POLG: variants seen among roughly 807,000 people sequenced by gnomAD.
POLG encodes the protein DNA polymerase gamma, catalytic subunit, also known as DNA polymerase subunit gamma-1.
POLG carries 110 observed loss-of-function variants against 155.4 expected under a neutral mutation model. The observed-to-expected ratio is 0.71, with a 90% CI of 0.61 to 0.83. POLG has a LOEUF of 0.83. Ranked by LOEUF, POLG falls within the 40% of genes least tolerant of loss-of-function variation. The probability of loss-of-function intolerance (pLI) is 0.00; values close to 1 mark genes in which losing one functional copy is unlikely to be tolerated. For missense variants in POLG, 1,685 were observed against 1,627.5 expected, an observed-to-expected ratio of 1.04 and a Z score of -0.61; for synonymous variants, 701 against 631.5, an observed-to-expected ratio of 1.11 and a Z score of -1.65.
At chr15:89,329,210 G>C (rs2055563893) in intron 3 of POLG, 100 bp from the exon 4 acceptor site, 1 of 992,224 alleles carries the variant, frequency 1.0e-6, no homozygotes, top group Non-Finnish European at 1.5e-6. Context: ...CCCCACCTCA[G>C]CTCCTCAAAC....
At chr15:89,323,940 C>A in intron 11 of POLG, 39 bp from the exon 12 acceptor site, 2 of 1,557,772 alleles carry the variant, frequency 1.3e-6, no homozygotes, top group Non-Finnish European at 1.8e-6. Flanking sequence ...AAGCAGGGGA[C>A]TGGGTAGGCC....
At position 89,333,289 on chromosome 15, in the gene POLG, A is replaced by G; in HGVS notation, c.466T>C (p.Leu156=). 1 of 1,555,522 alleles carries G rather than the reference A, an allele frequency of 6.4e-7. No individual in the cohort carries two copies. Among genetic ancestry groups the G allele is most frequent in the Non-Finnish European group, 8.7e-7 (1 of 1,149,178 alleles). ...QSLPYLEAAN[L]LLQAQLPPKP... ...GGGGGCAGCTGGGCCTGCAACAGCA[A>G]GTTGGCCGCCTCCAGGTAGGGCAGG... is the stretch of plus-strand genomic sequence containing the variant. Residue 156 remains leucine (L), a synonymous_variant, in exon 2 of 23, where the codon TTG becomes CTG. Transcript: ENST00000268124.
Position 89,330,117 on chromosome 15 carries a change from A to G in POLG, c.819T>C (p.Phe273=). The change falls in exon 3 of 23, where the codon TTT becomes TTC. Residue 273 remains phenylalanine, a synonymous_variant. Transcript: ENST00000268124. ...ACTGCTCCCTGATATGAGCTCGGTC[A>G]AAGGAAACATTGTGCCCCACCACTA... ...EQLVVGHNVS[F]DRAHIREQYL... 6.2e-7 allele frequency: 1 copy of G among 1,614,158 alleles called. No individual in the cohort carries two copies. The highest frequency in any genetic ancestry group is 8.5e-7 in the Non-Finnish European group (1 of 1,180,042).
At chr15:89,319,434 C>G in intron 18 of POLG, 84 bp from the exon 19 acceptor site, 2 of 1,572,268 alleles carry the variant, frequency 1.3e-6, no homozygotes, top group Non-Finnish European at 8.7e-7. Context: ...TCACATATCA[C>G]TTCAACTTTT....
intron 12 of POLG, 69 bp downstream of exon 12, chr15:89,323,746 T>G: frequency 7.9e-7 from 1 of 1,269,738 alleles, no homozygotes; most frequent in Non-Finnish European, 1.2e-6. Context: ...TGGGAAGAAC[T>G]AGGTGGGCAA....
rs780379693 is a variant in POLG, at chr15:89,333,577, G to T, written c.178C>A (p.Gln60Lys). 7.5e-6 allele frequency: 12 copies of T among 1,609,966 alleles called. No individual in the cohort carries two copies. In the South Asian group the frequency reaches 1.3e-4, roughly 18 times the overall value. The change falls in exon 2 of 23, where the codon CAA becomes AAA. Residue 60 changes from glutamine to lysine, a missense_variant. This residue lies in a region of POLG where 1,210 missense variants were observed against 1,167.1 expected (regional missense o/e 1.04). Coordinates refer to ENST00000268124, the MANE Select transcript of POLG (RefSeq NM_002693.3). ...QQQQQQPQQP[Q>K]VLSSEGGQLR... is the part of the protein sequence containing the mutation. ...TGCCCGCCCTCCGAGGATAGCACTTGCGGCTGCTGAGGCTGCTGTTGCTGC... is the reference window on the plus strand; with the variant it reads ...TGCCCGCCCTCCGAGGATAGCACTTTCGGCTGCTGAGGCTGCTGTTGCTGC...
At chr15:89,317,733 T>C in intron 21 of POLG, 197 bp from the exon 22 acceptor site, 1 of 616,754 alleles carries the variant, frequency 1.6e-6, no homozygotes. Flanking sequence ...ACTGAGATAC[T>C]GAAATGCAAT....
At chr15:89,319,511 C>A in intron 18 of POLG, 161 bp from the exon 19 acceptor site, 2 of 954,658 alleles carry the variant, frequency 2.1e-6, no homozygotes, top group Non-Finnish European at 1.6e-6. Flanking sequence ...CTCAGAGAGG[C>A]TAAGTGCCTT....
chr15:89,317,567 A>T, intron 21 of POLG, 31 bp from the exon 22 acceptor site: 1 of 1,607,932 alleles, frequency 6.2e-7, no homozygotes, highest in Non-Finnish European at 8.5e-7. Context: ...TCTCACAGTC[A>T]TGCCCCTCCT....
In POLG at chr15:89,322,875, G is replaced by A. The variant is rs1003442806; in HGVS notation, c.2293C>T (p.Pro765Ser). 1 of 1,613,282 alleles carries A rather than the reference G, an allele frequency of 6.2e-7. No individual in the cohort carries two copies. The highest frequency in any genetic ancestry group is 8.5e-7 in the Non-Finnish European group (1 of 1,179,928). ...TTGGGCAGGAAGTCCTTGGCAAAGG[G>A]GCTTCCCACATTACAGCTATTACCA... ...KDGNSCNVGS[P>S]FAKDFLPKME... Residue 765 changes from proline to serine, a missense_variant, in exon 14 of 23, where the codon CCC (proline) becomes TCC (serine). Pro to Ser is a moderately conservative substitution (Grantham distance 74). Transcript: ENST00000268124.
At chr15:89,324,059 TAC>T (rs2055436836) in intron 11 of POLG, 46 bp downstream of exon 11, 8 of 1,613,140 alleles carry the variant, frequency 5.0e-6, no homozygotes, top group Non-Finnish European at 6.8e-6. Context: ...CTGGGTGGAA[TAC>T]AGAGACCTCC....
chr15:89,328,883 C>A (rs201253170), intron 4 of POLG, 52 bp from the exon 5 acceptor site: 59 of 1,613,956 alleles, frequency 3.7e-5, no homozygotes, highest in Non-Finnish European at 4.9e-5. Flanking sequence ...TCGGGCCAGA[C>A]GGGCTGGTGA....
chr15:89,323,895 C>G lies in POLG; in HGVS notation c.2077G>C (p.Glu693Gln). The change falls in exon 12 of 23, where the codon GAA becomes CAA. Residue 693 changes from glutamate (E) to glutamine (Q), a missense_variant. Glu to Gln is a conservative substitution (Grantham distance 29). Coordinates refer to ENST00000268124, the MANE Select transcript of POLG (RefSeq NM_002693.3). ...DNSAIWQTVE[E>Q]LDYLEVEAEA... ...GCCTCCACTTCTAAGTAATCCAGTT[C>G]TTCTACCTGGAGCAGTCCAAGGACC... 6.2e-7 allele frequency: 1 copy of G among 1,613,066 alleles called. No individual in the cohort carries two copies. The highest frequency in any genetic ancestry group is 8.5e-7 in the Non-Finnish European group (1 of 1,178,984).
chr15:89,329,523 G>T (rs2055567792), intron 3 of POLG, among the ~76,000 whole-genome samples: 1 of 152,186 alleles, frequency 6.6e-6, no homozygotes, highest in African/African-American at 2.4e-5. Context: ...AGCACCCTCA[G>T]CTATAGGGTA....
At chr15:89,333,034 GA>G in intron 2 of POLG, 61 bp downstream of exon 2, 1 of 1,491,678 alleles carries the variant, frequency 6.7e-7, no homozygotes, top group Non-Finnish European at 8.9e-7. Context: ...AATGTTCACT[GA>G]AACAAACTAT....
At chr15:89,322,468 C>G (rs533892447) in intron 14 of POLG, among the ~76,000 whole-genome samples, 3 of 152,380 alleles carry the variant, frequency 2.0e-5, no homozygotes, top group South Asian at 4.1e-4. Flanking sequence ...CCATGGTCCT[C>G]AGCCATAGCC....
rs774932187 is a variant in POLG, at chr15:89,329,064, A to G, written c.902T>C (p.Ile301Thr). The change falls in exon 4 of 23, where the codon ATC becomes ACC. Residue 301 changes from isoleucine to threonine, a missense_variant. Transcript: ENST00000268124. ...GCGCTGGAAGCTGCTTAGCCCTGAG[A>G]TGGCCATGTGCATGCTCATGGTGTC... ...FLDTMSMHMA[I>T]SGLSSFQRSL... The G allele has an allele frequency of 6.2e-7, 1 of 1,613,002 alleles. No homozygotes were observed. Among genetic ancestry groups the G allele is most frequent in the South Asian group, 1.1e-5 (1 of 91,050 alleles).
At chr15:89,319,504 A>G in intron 18 of POLG, 154 bp from the exon 19 acceptor site, 3 of 997,440 alleles carry the variant, frequency 3.0e-6, no homozygotes, top group Non-Finnish European at 3.0e-6. Context: ...GAAACGGCTC[A>G]GAGAGGCTAA....
Position 89,318,989 on chromosome 15 carries a change from G to C in POLG, c.3215C>G (p.Thr1072Ser), listed in dbSNP as rs530757118. The C allele has an allele frequency of 1.1e-5, 17 of 1,614,116 alleles. No individual in the cohort carries two copies. In the African/African-American group the frequency reaches 1.2e-4, roughly 11 times the overall value. ...GCTGATGCAGCAGCCCAGCACCGGG[G>C]TACGTGGTATGTCAGACGTAGCAAT... ...ESIATSDIPR[T>S]PVLGCCISRA... Residue 1072 changes from threonine to serine, a missense_variant, in exon 20 of 23, where the codon ACC (threonine) becomes AGC (serine). Physicochemically the swap from Thr to Ser is moderately conservative, Grantham distance 58. Coordinates refer to ENST00000268124, the MANE Select transcript of POLG (RefSeq NM_002693.3).
Sources: gnomAD v4.1 joint callset for allele counts (sites outside exome capture counted in the v4.1 genomes callset) on GRCh38, gnomAD v4.1.1 for gene constraint, gnomAD v4.1.1 regional missense constraint, MANE v1.5 for transcripts, NCBI Gene and HGNC (gene_info 2026-07-23, HGNC 2026-07-21) for gene names.